The following PTPRD variants were observed in gnomAD, a reference collection of about 807,000 sequenced individuals.
PTPRD encodes receptor-type tyrosine-protein phosphatase delta.
PTPRD carries 34 observed loss-of-function variants against 214.5 expected under a neutral mutation model. The ratio of observed to expected loss-of-function variants is 0.16; its 90% CI spans 0.12 to 0.21. The LOEUF is 0.21. Among genes scored for constraint, PTPRD ranks in the 10% least tolerant of loss-of-function variants. PTPRD has a pLI of 1.00. For synonymous variants in PTPRD, 1,128 were observed against 845.7 expected (o/e 1.33, Z -5.79); for missense variants, 2,545 against 2,398.7 (o/e 1.06, Z -1.27).
chr9:9,450,398 T>C (rs2091814781), intron 8 of PTPRD, among the ~76,000 whole-genome samples: 1 of 151,906 alleles, frequency 6.6e-6, no homozygotes, highest in South Asian at 2.1e-4. Flanking sequence ...ATAAAAGTGT[T>C]CCCTTTTCAC....
intron 8 of PTPRD, among the ~76,000 whole-genome samples, chr9:9,409,754 G>C (rs541730311): frequency 6.6e-6 from 1 of 151,990 alleles, no homozygotes; most frequent in Non-Finnish European, 1.5e-5. Flanking sequence ...AGTACCATGG[G>C]AGCAGCTGAT....
At chr9:8,351,321 A>G (rs1182042336) in intron 39 of PTPRD, among the ~76,000 whole-genome samples, 1 of 152,224 alleles carries the variant, frequency 6.6e-6, no homozygotes, top group Non-Finnish European at 1.5e-5. Flanking sequence ...CTGAAAAGAT[A>G]CACAAATCAG....
chr9:9,134,121 G>GGACT (rs1397049766), intron 10 of PTPRD, among the ~76,000 whole-genome samples: 4 of 124,022 alleles, frequency 3.2e-5, no homozygotes, highest in African/African-American at 1.5e-4. Flanking sequence ...GCTGGACTGC[G>GGACT]GACTGCAGTG....
chr9:8,526,740 T>A (rs2074262417), intron 16 of PTPRD, 96 bp from the exon 17 acceptor site: 1 of 986,604 alleles, frequency 1.0e-6, no homozygotes, highest in Non-Finnish European at 1.5e-6. Context: ...TAAATTAGAT[T>A]TACAGAATTA....
At chr9:8,420,107 C>T (rs1295396758) in intron 35 of PTPRD, among the ~76,000 whole-genome samples, 1 of 152,102 alleles carries the variant, frequency 6.6e-6, no homozygotes, top group Non-Finnish European at 1.5e-5. Flanking sequence ...AAACTCATAG[C>T]TGCATACCAA....
chr9:9,092,511 G>C (rs1265347060), intron 10 of PTPRD, among the ~76,000 whole-genome samples: 1 of 151,998 alleles, frequency 6.6e-6, no homozygotes, highest in Non-Finnish European at 1.5e-5. Flanking sequence ...GAATAAATAA[G>C]ATGTGATTTA....
At chr9:10,204,024 GA>G (rs1377633106) in intron 3 of PTPRD, among the ~76,000 whole-genome samples, 1 of 151,998 alleles carries the variant, frequency 6.6e-6, no homozygotes, top group East Asian at 1.9e-4. Flanking sequence ...CCCCAATAGT[GA>G]AAAAAGAAAA....
At chr9:9,813,556 G>A (rs952565651) in intron 5 of PTPRD, among the ~76,000 whole-genome samples, 3 of 152,004 alleles carry the variant, frequency 2.0e-5, no homozygotes, top group Admixed American at 1.3e-4. Context: ...TAGCCTACTA[G>A]AACTGAGTAA....
chr9:10,131,587 T>C (rs1357102403), intron 3 of PTPRD, among the ~76,000 whole-genome samples: 1 of 152,194 alleles, frequency 6.6e-6, no homozygotes, highest in Non-Finnish European at 1.5e-5. Context: ...TAGAGTGCCA[T>C]TATGTATTAA....
chr9:9,809,768 G>C (rs1467884112), intron 5 of PTPRD, among the ~76,000 whole-genome samples: 1 of 152,136 alleles, frequency 6.6e-6, no homozygotes, highest in Non-Finnish European at 1.5e-5. Context: ...GTCTGACCAA[G>C]ACAGGTGACA....
At chr9:8,784,284 C>T (rs1043210224) in intron 11 of PTPRD, among the ~76,000 whole-genome samples, 1 of 152,192 alleles carries the variant, frequency 6.6e-6, no homozygotes, top group African/African-American at 2.4e-5. Flanking sequence ...GACTCAGTCC[C>T]AACCAAGCTT....
At position 9,328,618 on chromosome 9, in the gene PTPRD, C is replaced by CTTTTTTTTTTTTTTTTTTTT. The variant is rs869076374; in HGVS notation, c.-203+68811_-203+68830dup. Among the ~76,000 whole-genome samples the CTTTTTTTTTTTTTTTTTTTT allele has an allele frequency of 8.1e-4, 23 of 28,230 alleles. 6 individuals carry two copies. The highest frequency in any genetic ancestry group is 1.2e-3 in the Admixed American group (2 of 1,722). The allele number at this position is 28,230 out of a possible 152,430, so 18.5% of individuals were successfully genotyped here. A position where few individuals can be genotyped will look rare whatever the true frequency, so the allele number is the denominator to read the frequency against. On this transcript the variant is annotated intron_variant, in intron 9 of 45. Transcript: ENST00000381196. ...ACATTTTCTTTTGTTGTTGTTCTTG[C>CTTTTTTTTTTTTTTTTTTTT]TTTTTTTTTTTTTTTTTTTTTTTTT...
chr9:9,947,231 T>G (rs1371101592), intron 4 of PTPRD, among the ~76,000 whole-genome samples: 1 of 136,772 alleles, frequency 7.3e-6, no homozygotes, highest in African/African-American at 2.7e-5. Flanking sequence ...CTTTGGAATA[T>G]AATGGTACAT....
At chr9:8,944,137 G>C (rs2099050102) in intron 11 of PTPRD, among the ~76,000 whole-genome samples, 1 of 151,940 alleles carries the variant, frequency 6.6e-6, no homozygotes, top group South Asian at 2.1e-4. Flanking sequence ...ATGGCAAAAA[G>C]GAATATGGAA....
intron 2 of PTPRD, among the ~76,000 whole-genome samples, chr9:10,385,702 T>C (rs183391958): frequency 8.0e-4 from 121 of 152,016 alleles, no homozygotes; most frequent in African/African-American, 2.8e-3. Context: ...ATTTCACTTA[T>C]GGCTTATCAT....
intron 11 of PTPRD, among the ~76,000 whole-genome samples, chr9:8,772,866 C>T (rs919810308): frequency 1.3e-5 from 2 of 151,836 alleles, no homozygotes; most frequent in African/African-American, 4.8e-5. Context: ...TATAAATATT[C>T]TTGCTTTTTG....
At chr9:10,151,234 T>C (rs1407965956) in intron 3 of PTPRD, among the ~76,000 whole-genome samples, 1 of 142,364 alleles carries the variant, frequency 7.0e-6, no homozygotes, top group Non-Finnish European at 1.5e-5. Context: ...CTAATTTTTG[T>C]ATTTCTAGAC....
chr9:10,116,493 A>G (rs2098732279), intron 3 of PTPRD, among the ~76,000 whole-genome samples: 1 of 152,144 alleles, frequency 6.6e-6, no homozygotes, highest in Non-Finnish European at 1.5e-5. Context: ...ATTCATCACT[A>G]TTTCAAAATT....
intron 2 of PTPRD, among the ~76,000 whole-genome samples, chr9:10,381,728 G>A (rs2097829082): frequency 6.6e-6 from 1 of 151,772 alleles, no homozygotes; most frequent in African/African-American, 2.4e-5. Flanking sequence ...CAGATTTTTT[G>A]GCTCTGTGTG....
Sources: gnomAD v4.1 joint callset for allele counts (sites outside exome capture counted in the v4.1 genomes callset) on GRCh38, gnomAD v4.1.1 for gene constraint, MANE v1.5 for transcripts, NCBI Gene and HGNC (gene_info 2026-07-23, HGNC 2026-07-21) for gene names.